The following CADM2 variants were observed in gnomAD, a reference collection of about 807,000 sequenced individuals.
CADM2 encodes cell adhesion molecule 2.
Under a neutral mutation model 49.8 loss-of-function variants are expected in CADM2, and 12 were observed. That is an observed-to-expected ratio of 0.24 (90% CI 0.15 to 0.39). The LOEUF is 0.39. CADM2 is among the 10% of genes least tolerant of loss of function. The pLI, the probability that CADM2 is intolerant of heterozygous loss-of-function variation, is 1.00. For synonymous variants in CADM2, 214 were observed against 175.4 expected (o/e 1.22, Z -1.74); for missense variants, 378 against 492.3 (o/e 0.77, Z 2.20).
intron 8 of CADM2, chr3:86,013,562 C>T (rs1214932459): frequency 6.2e-7 from 1 of 1,602,658 alleles, no homozygotes; most frequent in Non-Finnish European, 8.5e-7. Flanking sequence ...TGGTAGAGAT[C>T]TGTGAGAGCT....
intron 7 of CADM2, among the ~76,000 whole-genome samples, chr3:85,940,288 G>A (rs1721730566): frequency 2.6e-5 from 4 of 151,542 alleles, no homozygotes; most frequent in South Asian, 2.1e-4. Flanking sequence ...GCAGTGAGCC[G>A]AGATCACGCC....
chr3:85,072,593 A>G (rs542565945), intron 1 of CADM2, among the ~76,000 whole-genome samples: 5 of 152,194 alleles, frequency 3.3e-5, no homozygotes, highest in African/African-American at 1.2e-4. Flanking sequence ...GTTGATGCAC[A>G]ATGGATTTAT....
At chr3:85,811,729 G>T (rs1304316257) in intron 3 of CADM2, among the ~76,000 whole-genome samples, 2 of 152,136 alleles carry the variant, frequency 1.3e-5, no homozygotes, top group Non-Finnish European at 2.9e-5. Flanking sequence ...GGCAGTAGAA[G>T]TGGGATGATG....
intron 1 of CADM2, among the ~76,000 whole-genome samples, chr3:85,283,129 GATA>G (rs1266029434): frequency 6.6e-6 from 1 of 151,746 alleles, no homozygotes; most frequent in Non-Finnish European, 1.5e-5. Flanking sequence ...ATATTCATTG[GATA>G]ATGATTTTCT....
intron 1 of CADM2, among the ~76,000 whole-genome samples, chr3:85,328,877 A>G (rs2044829518): frequency 6.8e-6 from 1 of 147,156 alleles, no homozygotes; most frequent in Non-Finnish European, 1.5e-5. Flanking sequence ...ACCTCATTTT[A>G]TAGGTTAAAT....
chr3:85,668,449 C>T (rs903660602), intron 1 of CADM2, among the ~76,000 whole-genome samples: 15 of 152,154 alleles, frequency 9.9e-5, no homozygotes, highest in South Asian at 4.1e-4. Flanking sequence ...TGTGTCCCCA[C>T]CCAAATCTCA....
chr3:85,001,685 A>G, intron 1 of CADM2, among the ~76,000 whole-genome samples: 1 of 152,090 alleles, frequency 6.6e-6, no homozygotes, highest in East Asian at 1.9e-4. Context: ...CATGGGATCA[A>G]AGATATGAAA....
At chr3:85,359,217 A>G (rs1249931402) in intron 1 of CADM2, among the ~76,000 whole-genome samples, 1 of 152,144 alleles carries the variant, frequency 6.6e-6, no homozygotes, top group African/African-American at 2.4e-5. Flanking sequence ...TCTAAAAGAA[A>G]TGGATTAATC....
intron 7 of CADM2, among the ~76,000 whole-genome samples, chr3:85,957,660 T>C (rs1036493202): frequency 6.6e-6 from 1 of 151,768 alleles, no homozygotes; most frequent in African/African-American, 2.4e-5. Flanking sequence ...TTGCCTCCCA[T>C]TTCAGATGCC....
intron 1 of CADM2, among the ~76,000 whole-genome samples, chr3:85,501,619 A>G (rs949843961): frequency 6.6e-6 from 1 of 152,174 alleles, no homozygotes; most frequent in Non-Finnish European, 1.5e-5. Context: ...AGAAGAGAAT[A>G]ACAATATATT....
intron 1 of CADM2, among the ~76,000 whole-genome samples, chr3:85,059,085 A>G (rs1165270809): frequency 2.0e-5 from 3 of 151,822 alleles, no homozygotes; most frequent in Non-Finnish European, 4.4e-5. Context: ...TAAAAATACA[A>G]AGAATTAGCT....
At chr3:85,012,906 G>A (rs1164643124) in intron 1 of CADM2, among the ~76,000 whole-genome samples, 1 of 151,634 alleles carries the variant, frequency 6.6e-6, no homozygotes, top group East Asian at 1.9e-4. Flanking sequence ...TATATAGTAT[G>A]CATTTGCTCT....
chr3:85,716,355 G>GT (rs1238576301), intron 1 of CADM2, among the ~76,000 whole-genome samples: 2 of 152,034 alleles, frequency 1.3e-5, no homozygotes, highest in Non-Finnish European at 2.9e-5. Flanking sequence ...GGGGTTGTTT[G>GT]TTTTTTTCTT....
At chr3:85,397,585 G>A (rs1428003146) in intron 1 of CADM2, among the ~76,000 whole-genome samples, 1 of 152,172 alleles carries the variant, frequency 6.6e-6, no homozygotes, top group Non-Finnish European at 1.5e-5. Context: ...GTTACAACAA[G>A]GAGGAAACTT....
At position 85,499,790 on chromosome 3, in the gene CADM2, C is replaced by T. The variant is rs954318070; in HGVS notation, c.62-226732C>T. On this transcript the variant is annotated intron_variant, in intron 1 of 9. Coordinates refer to ENST00000383699, the MANE Select transcript of CADM2 (RefSeq NM_001167675.2). ...GCTGTCTTAAGATTTAATTATTTTA[C>T]AGCTTTTCCTAGCAAGGAGCAAAAT... Among the ~76,000 whole-genome samples, 8 of 152,184 alleles carry T rather than the reference C, an allele frequency of 5.3e-5. No homozygotes were observed. In the Middle Eastern group the frequency reaches 0.014, roughly 259 times the overall value.
At chr3:85,413,543 C>A (rs6778189) in intron 1 of CADM2, among the ~76,000 whole-genome samples, 117,861 of 152,066 alleles carry the variant, frequency 0.78, 47,824 homozygotes, top group East Asian at 0.95. Flanking sequence ...TCTGAGAAGG[C>A]CTCAGGAAAC....
At chr3:85,129,354 C>A (rs897432315) in intron 1 of CADM2, among the ~76,000 whole-genome samples, 5 of 152,140 alleles carry the variant, frequency 3.3e-5, no homozygotes, top group Non-Finnish European at 5.9e-5. Context: ...ATATTTATAT[C>A]TCTTTTTATT....
chr3:85,802,072 A>G lies in CADM2; in HGVS notation c.114A>G (p.Thr38=). 1 of 1,611,732 alleles carries G rather than the reference A, an allele frequency of 6.2e-7. No individual in the cohort carries two copies. The highest frequency in any genetic ancestry group is 8.5e-7 in the Non-Finnish European group (1 of 1,178,666). ...VKGSQGQFPL[T]QNVTVVEGGT... ...GCAGCCAAGGGCAGTTTCCACTAACACAGAATGTAACCGTTGTTGAAGGTG... is the reference window on the plus strand; with the variant it reads ...GCAGCCAAGGGCAGTTTCCACTAACGCAGAATGTAACCGTTGTTGAAGGTG... Residue 38 remains threonine (T), a synonymous_variant, in exon 3 of 10, where the codon ACA becomes ACG. Coordinates refer to ENST00000383699, the MANE Select transcript of CADM2 (RefSeq NM_001167675.2).
intron 1 of CADM2, among the ~76,000 whole-genome samples, chr3:85,710,576 G>T (rs371214760): frequency 6.6e-6 from 1 of 152,000 alleles, no homozygotes; most frequent in Admixed American, 6.6e-5. Flanking sequence ...CTTCGAAATT[G>T]TTTCCACATC....
Sources: allele counts gnomAD v4.1 joint callset (sites outside exome capture counted in the v4.1 genomes callset), GRCh38; gene constraint gnomAD v4.1.1; transcripts MANE v1.5; gene names NCBI Gene and HGNC (gene_info 2026-07-23, HGNC 2026-07-21).